Variants in QTGAL observed in about 807,000 individuals in gnomAD.
The protein encoded by QTGAL is BGnT-like protein 1.
At chr17:83,020,296 G>C in the QTGAL span, among the ~76,000 whole-genome samples, 2 of 152,214 alleles carry the variant, frequency 1.3e-5, no homozygotes, top group African/African-American at 4.8e-5. Flanking sequence ...AAGAAATGAC[G>C]GCTAAGAAAT....
the QTGAL span, among the ~76,000 whole-genome samples, chr17:83,025,669 C>T: frequency 4.6e-3 from 658 of 141,768 alleles, 5 homozygotes; most frequent in African/African-American, 0.016. Flanking sequence ...ACGGACACCG[C>T]GGAGAGTCCA....
the QTGAL span, among the ~76,000 whole-genome samples, chr17:83,002,988 C>A: frequency 1.1e-3 from 17 of 16,044 alleles, no homozygotes; most frequent in South Asian, 5.9e-3. Flanking sequence ...ATTCCTGAGC[C>A]CGCCCTCCCG....
chr17:82,995,331 A>C, the QTGAL span, among the ~76,000 whole-genome samples: 3,838 of 152,218 alleles, frequency 0.025, 61 homozygotes, highest in Non-Finnish European at 0.041. Flanking sequence ...AAACAAACTC[A>C]GCAAAGTTTC....
the QTGAL span, among the ~76,000 whole-genome samples, chr17:83,028,413 A>G: frequency 6.7e-6 from 1 of 149,224 alleles, no homozygotes; most frequent in Non-Finnish European, 1.5e-5. Flanking sequence ...AGTCCCAGCT[A>G]CTCGGGAGGC....
the QTGAL span, chr17:82,948,972 AT>A: frequency 6.6e-6 from 1 of 152,274 alleles, no homozygotes; most frequent in Non-Finnish European, 1.5e-5. Flanking sequence ...AAATACAAAA[AT>A]ATCAAATGGC....
At chr17:82,951,439 G>A in the QTGAL span, among the ~76,000 whole-genome samples, 5 of 152,182 alleles carry the variant, frequency 3.3e-5, no homozygotes, top group East Asian at 1.9e-4. Context: ...TTGGGACCTC[G>A]CTCTGTATTA....
At chr17:82,942,854 C>T in the QTGAL span, 21 of 299,230 alleles carry the variant, frequency 7.0e-5, no homozygotes, top group South Asian at 2.4e-4. Context: ...CTGTGGGAGA[C>T]GTCTGGCCAC....
chr17:82,959,922 C>A, the QTGAL span, among the ~76,000 whole-genome samples: 8 of 152,124 alleles, frequency 5.3e-5, no homozygotes, highest in Non-Finnish European at 2.9e-5. Flanking sequence ...AGAACAGGCT[C>A]CCCAGGGCGC....
chr17:83,001,483 CAG>C, the QTGAL span, among the ~76,000 whole-genome samples: 4 of 151,822 alleles, frequency 2.6e-5, no homozygotes, highest in Non-Finnish European at 4.4e-5. Context: ...CTTTATGAAA[CAG>C]AAAGTCCCAG....
At chr17:83,002,056 CT>C in the QTGAL span, among the ~76,000 whole-genome samples, 53,837 of 148,384 alleles carry the variant, frequency 0.36, 9,620 homozygotes, top group Middle Eastern at 0.49. Context: ...GCCACTGCGC[CT>C]TTTTTTTTTT....
the QTGAL span, among the ~76,000 whole-genome samples, chr17:82,984,809 C>T: frequency 3.3e-5 from 5 of 152,240 alleles, no homozygotes; most frequent in East Asian, 1.9e-4. Flanking sequence ...AGCAGGGGTC[C>T]GCGTCACACC....
chr17:83,016,796 G>A, the QTGAL span, among the ~76,000 whole-genome samples: 2 of 151,834 alleles, frequency 1.3e-5, no homozygotes, highest in Non-Finnish European at 2.9e-5. Flanking sequence ...GAAGGAGGAG[G>A]AGGAGGGCTA....
At chr17:83,041,933 T>C in the QTGAL span, among the ~76,000 whole-genome samples, 2 of 152,200 alleles carry the variant, frequency 1.3e-5, no homozygotes, top group South Asian at 4.1e-4. Context: ...CAGTTCATTG[T>C]AGGGCTGAAA....
chr17:83,004,994 G>T, the QTGAL span: 1 of 727,130 alleles, frequency 1.4e-6, no homozygotes, highest in South Asian at 2.0e-5. Context: ...GTGAGTGAAG[G>T]CGAGGACAGA....
the QTGAL span, among the ~76,000 whole-genome samples, chr17:83,049,327 T>A: frequency 9.2e-5 from 14 of 151,680 alleles, no homozygotes; most frequent in African/African-American, 3.2e-4. Context: ...AAATCATGAG[T>A]TTTCCAATCA....
At chr17:82,947,162 C>A in the QTGAL span, 1 of 552,402 alleles carries the variant, frequency 1.8e-6, no homozygotes, top group East Asian at 3.1e-5. Flanking sequence ...GCAGCCGGCA[C>A]TGCTTGTACC....
chr17:82,985,086 G>T, the QTGAL span, among the ~76,000 whole-genome samples: 1 of 152,356 alleles, frequency 6.6e-6, no homozygotes, highest in African/African-American at 2.4e-5. Flanking sequence ...TACAAAGAGG[G>T]CCTGTCTCAG....
At chr17:83,032,549 T>TGAACAACCGGGTCAGAC in the QTGAL span, among the ~76,000 whole-genome samples, 2 of 151,530 alleles carry the variant, frequency 1.3e-5, no homozygotes, top group African/African-American at 4.9e-5. Flanking sequence ...CAGACTGAGC[T>TGAACAACCGGGTCAGAC]CAGGGGCCCA....
At chr17:82,958,482 C>T in the QTGAL span, among the ~76,000 whole-genome samples, 6 of 152,282 alleles carry the variant, frequency 3.9e-5, no homozygotes, top group African/African-American at 7.2e-5. Flanking sequence ...GCCTCGGGAT[C>T]GGGGCAGGAT....
Sources: gnomAD v4.1 joint callset for allele counts (sites outside exome capture counted in the v4.1 genomes callset) on GRCh38, gnomAD v4.1.1 for gene constraint, MANE v1.5 for transcripts, NCBI Gene and HGNC (gene_info 2026-07-23, HGNC 2026-07-21) for gene names.